CRACR2A: variants seen among roughly 807,000 people sequenced by gnomAD.
CRACR2A encodes EF-hand calcium-binding domain-containing protein 4B.
In CRACR2A, 79 loss-of-function variants were observed where a neutral mutation model predicts 90.5. That is an observed-to-expected ratio of 0.87 (90% CI 0.73 to 1.05). The LOEUF is 1.05. CRACR2A is among the 50% of genes least tolerant of loss of function. The pLI, the probability that CRACR2A is intolerant of heterozygous loss-of-function variation, is 0.00. For synonymous variants in CRACR2A, 338 were observed against 356.7 expected, an observed-to-expected ratio of 0.95 and a Z score of 0.59; for missense variants, 823 against 897.2, an observed-to-expected ratio of 0.92 and a Z score of 1.06.
chr12:3,662,680 T>C (rs1945059532), intron 7 of CRACR2A, among the ~76,000 whole-genome samples: 1 of 152,070 alleles, frequency 6.6e-6, no homozygotes, highest in South Asian at 2.1e-4. Flanking sequence ...AATAACTCAG[T>C]CAATAAAAGT....
chr12:3,638,321 G>A lies in CRACR2A; in HGVS notation c.1405C>T (p.Arg469Cys), dbSNP rs1477411265. ...GPGGPYPRPLRRIISVEEDPL... is the reference protein window; with the variant it reads ...GPGGPYPRPLCRIISVEEDPL... The stretch of plus-strand genomic sequence containing the variant: ...TCTTCTTCAACGGAGATGATTCTGC[G>A]GAGCGGCCGGGGGTACGGACCCCCA... The change falls in exon 14 of 20, where the codon CGC becomes TGC. Residue 469 changes from arginine to cysteine, a missense_variant. By Grantham distance (180) the Arg-to-Cys change is radical. Coordinates refer to ENST00000440314, the MANE Select transcript of CRACR2A (RefSeq NM_001144958.2). 2.6e-5 allele frequency: 40 copies of A among 1,551,098 alleles called. 1 individual carries two copies. The highest frequency in any genetic ancestry group is 1.5e-4 in the South Asian group (13 of 84,060).
Position 3,637,868 on chromosome 12 carries a change from T to G in CRACR2A, c.1602+256A>C, listed in dbSNP as rs139480183. 2.8e-3 allele frequency among the ~76,000 whole-genome samples: 420 copies of G among 152,316 alleles called. 3 individuals are homozygous for G. The highest frequency in any genetic ancestry group is 9.6e-3 in the African/African-American group (397 of 41,566). On this transcript the variant is annotated intron_variant, in intron 14 of 19. Coordinates refer to ENST00000440314, the MANE Select transcript of CRACR2A (RefSeq NM_001144958.2). ...CTTTGCTAAGAATCCTTTGTTCAAA[T>G]GTTCAGTTTCCTTAGGATTTTGAGC...
chr12:3,718,848 C>A (rs1182055788), intron 2 of CRACR2A, among the ~76,000 whole-genome samples: 1 of 152,118 alleles, frequency 6.6e-6, no homozygotes, highest in Non-Finnish European at 1.5e-5. Context: ...CAGAAAAGCA[C>A]CTGAATGGAT....
chr12:3,752,678 T>G (rs957913106), intron 1 of CRACR2A: 4 of 153,124 alleles, frequency 2.6e-5, no homozygotes, highest in African/African-American at 9.6e-5. Context: ...GCAAGTCACT[T>G]TACCATTCTG....
At chr12:3,748,758 G>A (rs975107240) in intron 1 of CRACR2A, among the ~76,000 whole-genome samples, 2 of 152,208 alleles carry the variant, frequency 1.3e-5, no homozygotes, top group South Asian at 2.1e-4. Flanking sequence ...TCAGCACTGT[G>A]TACAAGGTGT....
intron 3 of CRACR2A, 53 bp downstream of exon 3, chr12:3,713,184 G>T (rs892433243): frequency 1.1e-6 from 1 of 907,832 alleles, no homozygotes; most frequent in Non-Finnish European, 1.3e-6. Context: ...GGGGTCTGGG[G>T]TGGGGGCAGA....
intron 3 of CRACR2A, among the ~76,000 whole-genome samples, chr12:3,712,155 A>C (rs1438830628): frequency 6.6e-6 from 1 of 152,130 alleles, no homozygotes; most frequent in Non-Finnish European, 1.5e-5. Context: ...GTATCATAGA[A>C]AGGTTCAGGC....
chr12:3,696,412 C>T (rs1565492942), intron 4 of CRACR2A, among the ~76,000 whole-genome samples: 1 of 152,212 alleles, frequency 6.6e-6, no homozygotes, highest in Admixed American at 6.5e-5. Flanking sequence ...TCCTAAGGTA[C>T]AGACAGCAGG....
At chr12:3,669,682 C>T (rs1945207522) in intron 7 of CRACR2A, among the ~76,000 whole-genome samples, 1 of 152,216 alleles carries the variant, frequency 6.6e-6, no homozygotes, top group South Asian at 2.1e-4. Flanking sequence ...GAGGGGTTCT[C>T]CTGGCCTTAG....
At chr12:3,724,260 C>T (rs557183646) in intron 2 of CRACR2A, among the ~76,000 whole-genome samples, 14 of 152,226 alleles carry the variant, frequency 9.2e-5, no homozygotes, top group Non-Finnish European at 1.9e-4. Context: ...GGGAAATGCA[C>T]GCACAAGATC....
At chr12:3,644,370 CTTG>C (rs1412890576) in intron 12 of CRACR2A, among the ~76,000 whole-genome samples, 1 of 152,128 alleles carries the variant, frequency 6.6e-6, no homozygotes, top group Non-Finnish European at 1.5e-5. Flanking sequence ...ATATTTCAGT[CTTG>C]TTGTGCCAAG....
At chr12:3,709,827 A>G (rs1241326870) in intron 3 of CRACR2A, among the ~76,000 whole-genome samples, 1 of 152,252 alleles carries the variant, frequency 6.6e-6, no homozygotes, top group Non-Finnish European at 1.5e-5. Context: ...TATCTGTACA[A>G]TGAGGCTAAT....
intron 11 of CRACR2A, among the ~76,000 whole-genome samples, chr12:3,645,396 A>AG (rs1944665391): frequency 6.6e-6 from 1 of 152,192 alleles, no homozygotes; most frequent in African/African-American, 2.4e-5. Context: ...TAGTTAGGAG[A>AG]TGAAGCGAGA....
chr12:3,739,953 T>C (rs1358607343), intron 1 of CRACR2A, among the ~76,000 whole-genome samples: 1 of 150,108 alleles, frequency 6.7e-6, no homozygotes, highest in Non-Finnish European at 1.5e-5. Flanking sequence ...AATTATTGCA[T>C]GCATAGACAC....
chr12:3,684,265 G>A (rs1565488740), intron 4 of CRACR2A, among the ~76,000 whole-genome samples: 2 of 152,168 alleles, frequency 1.3e-5, no homozygotes, highest in Non-Finnish European at 1.5e-5. Context: ...CTGTGGTACA[G>A]TTCAGCTATA....
intron 15 of CRACR2A, among the ~76,000 whole-genome samples, chr12:3,628,262 C>T (rs1360233005): frequency 6.6e-6 from 1 of 151,070 alleles, no homozygotes; most frequent in Non-Finnish European, 1.5e-5. Flanking sequence ...TCCTAAAATT[C>T]TTTCAGAGGC....
At chr12:3,636,776 C>G (rs1565467026) in intron 14 of CRACR2A, among the ~76,000 whole-genome samples, 1 of 152,222 alleles carries the variant, frequency 6.6e-6, no homozygotes, top group African/African-American at 2.4e-5. Context: ...TCTCCACTCT[C>G]CCCTGCACCA....
intron 7 of CRACR2A, among the ~76,000 whole-genome samples, chr12:3,667,290 C>T (rs1359202257): frequency 2.0e-5 from 3 of 152,200 alleles, no homozygotes; most frequent in South Asian, 2.1e-4. Flanking sequence ...CACATCACTA[C>T]GATGTCTGGC....
At chr12:3,623,922 C>G (rs930845415) in intron 17 of CRACR2A, among the ~76,000 whole-genome samples, 1 of 152,220 alleles carries the variant, frequency 6.6e-6, no homozygotes, top group African/African-American at 2.4e-5. Context: ...CACACACATT[C>G]CTGCTCCGTC....
Sources: allele counts gnomAD v4.1 joint callset (sites outside exome capture counted in the v4.1 genomes callset), GRCh38; gene constraint gnomAD v4.1.1; transcripts MANE v1.5; gene names NCBI Gene and HGNC (gene_info 2026-07-23, HGNC 2026-07-21).